Variants in C7orf33 observed in about 807,000 individuals in gnomAD.
The protein encoded by C7orf33 is uncharacterized protein C7orf33.
In C7orf33, 15 loss-of-function variants were observed where a neutral mutation model predicts 13.4. That is an observed-to-expected ratio of 1.12 (90% CI 0.75 to 1.72). The LOEUF (loss-of-function observed/expected upper bound fraction) is 1.72. C7orf33 is among the 40% of genes most tolerant of loss of function. C7orf33 has a pLI of 0.00. For missense variants in C7orf33, 187 were observed against 220.3 expected (o/e 0.85, Z 0.96); for synonymous variants, 73 against 83.2 (o/e 0.88, Z 0.67).
intron 1 of C7orf33, among the ~76,000 whole-genome samples, chr7:148,594,796 G>A (rs891427288): frequency 2.0e-5 from 3 of 152,090 alleles, no homozygotes; most frequent in Non-Finnish European, 4.4e-5. Context: ...ACAGAGTGAG[G>A]TTTGGCATGG....
At position 148,615,386 on chromosome 7, in the gene C7orf33, A is replaced by G. The variant is rs1021116817; in HGVS notation, c.519A>G (p.Arg173=). ...QNSVEATRIS[R]TDSS The stretch of plus-strand genomic sequence containing the variant: ...CTGTTGAGGCCACAAGGATTTCCAG[A>G]ACTGACAGCAGTTAAGAATTTTGCA... Residue 173 remains arginine (R), a synonymous_variant, in exon 3 of 3, where the codon AGA becomes AGG. Coordinates refer to ENST00000307003, the MANE Select transcript of C7orf33 (RefSeq NM_145304.4). 1 of 1,612,252 alleles carries G rather than the reference A, an allele frequency of 6.2e-7. No individual in the cohort carries two copies. The highest frequency in any genetic ancestry group is 1.7e-5 in the Admixed American group (1 of 60,018).
At chr7:148,599,279 A>T (rs776078766) in intron 1 of C7orf33, among the ~76,000 whole-genome samples, 25 of 152,180 alleles carry the variant, frequency 1.6e-4, no homozygotes, top group Non-Finnish European at 1.8e-4. Context: ...TGAAATCTTA[A>T]GAAACGGGTC....
At position 148,615,301 on chromosome 7, in the gene C7orf33, C is replaced by T. The variant is rs199971744; in HGVS notation, c.460-26C>T. ...GAAAAGGTAAATCATCCTGAGATAACAGAAGTCTTCGTAATCCACATGTAG... is the reference window on the plus strand; with the variant it reads ...GAAAAGGTAAATCATCCTGAGATAATAGAAGTCTTCGTAATCCACATGTAG... On this transcript the variant is annotated intron_variant, in intron 2 of 2. Transcript: ENST00000307003. 9.4e-4 allele frequency: 1,412 copies of T among 1,509,324 alleles called. 7 individuals are homozygous for T. The highest frequency in any genetic ancestry group is 2.4e-3 in the South Asian group (210 of 89,112). The allele number at this position is 1,509,324 out of a possible 1,614,324, so 93.5% of individuals were successfully genotyped here.
intron 1 of C7orf33, among the ~76,000 whole-genome samples, chr7:148,606,521 G>A (rs1269925340): frequency 6.6e-6 from 1 of 152,148 alleles, no homozygotes; most frequent in Non-Finnish European, 1.5e-5. Flanking sequence ...ATATGCAGCA[G>A]ACACAAAATC....
At chr7:148,594,326 C>T (rs908658433) in intron 1 of C7orf33, among the ~76,000 whole-genome samples, 1 of 152,072 alleles carries the variant, frequency 6.6e-6, no homozygotes, top group Non-Finnish European at 1.5e-5. Context: ...CAGGCATCCG[C>T]CTCCATGCCA....
chr7:148,598,373 A>G (rs1290558496), intron 1 of C7orf33, among the ~76,000 whole-genome samples: 1 of 152,110 alleles, frequency 6.6e-6, no homozygotes, highest in Non-Finnish European at 1.5e-5. Context: ...TACAAACAAT[A>G]TTAACAGAAA....
intron 1 of C7orf33, among the ~76,000 whole-genome samples, chr7:148,600,959 C>T (rs1413781999): frequency 6.6e-6 from 1 of 152,004 alleles, no homozygotes; most frequent in African/African-American, 2.4e-5. Flanking sequence ...CACGCCACCA[C>T]ACCCAGCTGA....
Position 148,590,938 on chromosome 7 carries a change from G to T in C7orf33, c.13G>T (p.Val5Phe), listed in dbSNP as rs762971919. The change falls in exon 1 of 3, where the codon GTT (valine) becomes TTT (phenylalanine). Residue 5 changes from valine to phenylalanine, a missense_variant. Coordinates refer to ENST00000307003, the MANE Select transcript of C7orf33 (RefSeq NM_145304.4). MQVE[V>F]QSLSLEECPW... is the part of the protein sequence containing the mutation. The stretch of plus-strand genomic sequence containing the variant: ...TACCTTTGCCAAAATGCAAGTGGAA[G>T]TTCAAAGCCTCAGCCTTGAAGAGTG... 3.7e-6 allele frequency: 6 copies of T among 1,614,012 alleles called. No homozygotes were observed. Among genetic ancestry groups the T allele is most frequent in the Non-Finnish European group, 4.2e-6 (5 of 1,179,986 alleles).
intron 1 of C7orf33, among the ~76,000 whole-genome samples, chr7:148,613,564 CA>C (rs1346713951): frequency 6.6e-6 from 1 of 152,164 alleles, no homozygotes; most frequent in Admixed American, 6.5e-5. Context: ...AATTCAGTTA[CA>C]AAATACTACA....
intron 1 of C7orf33, 76 bp downstream of exon 1, chr7:148,591,205 C>T: frequency 8.0e-7 from 1 of 1,246,088 alleles, no homozygotes; most frequent in Non-Finnish European, 1.2e-6. Context: ...TTCACTCAAT[C>T]CATGAATGTT....
chr7:148,606,583 A>AAAAC (rs1294817265), intron 1 of C7orf33, among the ~76,000 whole-genome samples: 1 of 152,044 alleles, frequency 6.6e-6, no homozygotes, highest in Non-Finnish European at 1.5e-5. Context: ...AGGTCTTTTA[A>AAAAC]AAACAAACAA....
chr7:148,607,419 C>G (rs537333172), intron 1 of C7orf33, among the ~76,000 whole-genome samples: 1 of 152,102 alleles, frequency 6.6e-6, no homozygotes, highest in African/African-American at 2.4e-5. Flanking sequence ...GTCTTCAGCT[C>G]GACAATCCTC....
chr7:148,602,690 A>C (rs191790247), intron 1 of C7orf33, among the ~76,000 whole-genome samples: 1 of 152,236 alleles, frequency 6.6e-6, no homozygotes, highest in African/African-American at 2.4e-5. Flanking sequence ...AAGGCAAGAA[A>C]AAGAAACAAA....
chr7:148,605,636 A>T (rs987549211), intron 1 of C7orf33, among the ~76,000 whole-genome samples: 2 of 152,130 alleles, frequency 1.3e-5, no homozygotes, highest in Non-Finnish European at 2.9e-5. Flanking sequence ...CATACGGCCC[A>T]TCTCATATTC....
chr7:148,603,259 C>T (rs929012370), intron 1 of C7orf33, among the ~76,000 whole-genome samples: 1 of 152,168 alleles, frequency 6.6e-6, no homozygotes, highest in African/African-American at 2.4e-5. Context: ...CAGAAGAGCT[C>T]TGAGACCAGG....
intron 1 of C7orf33, among the ~76,000 whole-genome samples, chr7:148,604,528 A>G (rs1237966356): frequency 5.3e-5 from 8 of 152,208 alleles, no homozygotes; most frequent in African/African-American, 1.9e-4. Flanking sequence ...GCAAAGGCAT[A>G]GTGATACAGT....
chr7:148,596,467 C>T (rs1458520202), intron 1 of C7orf33, among the ~76,000 whole-genome samples: 1 of 152,226 alleles, frequency 6.6e-6, no homozygotes, highest in East Asian at 1.9e-4. Flanking sequence ...ATTGGACTTA[C>T]AGTTCCACAT....
chr7:148,597,710 G>A (rs1026430142), intron 1 of C7orf33, among the ~76,000 whole-genome samples: 1 of 151,506 alleles, frequency 6.6e-6, no homozygotes, highest in African/African-American at 2.4e-5. Flanking sequence ...AATTCATTGT[G>A]GATCATTCCC....
At chr7:148,598,751 TATATATATATATAGAGAGAG>T (rs1163730380) in intron 1 of C7orf33, among the ~76,000 whole-genome samples, 48 of 68,590 alleles carry the variant, frequency 7.0e-4, no homozygotes, top group African/African-American at 1.5e-3. Flanking sequence ...TATATATATA[TATATATATATATAGAGAGAG>T]AGAGAGAGAG....
Sources: allele counts gnomAD v4.1 joint callset (sites outside exome capture counted in the v4.1 genomes callset), GRCh38; gene constraint gnomAD v4.1.1; transcripts MANE v1.5; gene names NCBI Gene and HGNC (gene_info 2026-07-23, HGNC 2026-07-21).